LRP2: variants seen among roughly 807,000 people sequenced by gnomAD.
LRP2 encodes LDL receptor related protein 2, also known as low-density lipoprotein receptor-related protein 2.
A neutral mutation model predicts 531.0 loss-of-function variants in LRP2; 172 were observed. The observed-to-expected ratio is 0.32, with a 90% CI of 0.29 to 0.37. The LOEUF is 0.37. Ranked by LOEUF, LRP2 falls within the 10% of genes least tolerant of loss-of-function variation. The probability of loss-of-function intolerance (pLI) is 1.00; values close to 1 mark genes in which losing one functional copy is unlikely to be tolerated. For missense variants in LRP2, 5,167 were observed against 5,868.3 expected, an observed-to-expected ratio of 0.88 and a Z score of 3.90; for synonymous variants, 1,992 against 2,027.6, an observed-to-expected ratio of 0.98 and a Z score of 0.47.
At position 169,168,529 on chromosome 2, in the gene LRP2, T is replaced by G; in HGVS notation, c.11635+10A>C. 6.2e-7 allele frequency: 1 copy of G among 1,614,018 alleles called. No homozygotes were observed. The highest frequency in any genetic ancestry group is 8.5e-7 in the Non-Finnish European group (1 of 1,179,916). On this transcript the variant is annotated intron_variant, in intron 61 of 78. Transcript: ENST00000649046. ...ACCACTCCCATTCACTCCGTTTCTC[T>G]CCCTCTTACAGCACAGGTGAAGTTC...
rs531853599 is a variant in LRP2 at position 169,354,522 on chromosome 2, C to A, written c.79+7799G>T. On this transcript the variant is annotated intron_variant, in intron 1 of 78. Coordinates refer to ENST00000649046, the MANE Select transcript of LRP2 (RefSeq NM_004525.3). ...CAGGCATGACCTGAGGGCTAATGACCAAAAGTGAAACTTCAAATTGTCTAA... is the reference window on the plus strand; with the variant it reads ...CAGGCATGACCTGAGGGCTAATGACAAAAAGTGAAACTTCAAATTGTCTAA... Among the ~76,000 whole-genome samples, 9 of 152,250 alleles carry A rather than the reference C, an allele frequency of 5.9e-5. No homozygotes were observed. In the South Asian group the frequency reaches 1.9e-3, roughly 32 times the overall value.
chr2:169,300,762 T>C (rs1684267582), intron 4 of LRP2, among the ~76,000 whole-genome samples: 1 of 152,008 alleles, frequency 6.6e-6, no homozygotes, highest in Admixed American at 6.6e-5. Context: ...TGGGGTCCTT[T>C]GGAGAGTCGC....
intron 49 of LRP2, among the ~76,000 whole-genome samples, chr2:169,187,555 G>A (rs1170298760): frequency 6.6e-6 from 1 of 152,142 alleles, no homozygotes; most frequent in African/African-American, 2.4e-5. Flanking sequence ...GTTGGGGTGA[G>A]AGAGATATTA....
chr2:169,341,364 A>C (rs774014457), intron 1 of LRP2, among the ~76,000 whole-genome samples: 10 of 152,194 alleles, frequency 6.6e-5, no homozygotes, highest in Non-Finnish European at 1.2e-4. Flanking sequence ...GATCTTTGAC[A>C]CCCTCTAAAG....
At chr2:169,230,732 G>C (rs779362451) in intron 31 of LRP2, among the ~76,000 whole-genome samples, 1 of 152,194 alleles carries the variant, frequency 6.6e-6, no homozygotes, top group Non-Finnish European at 1.5e-5. Flanking sequence ...ACACACTCCA[G>C]AAGAAATCTC....
chr2:169,145,229 G>T (rs553899352), intron 70 of LRP2, among the ~76,000 whole-genome samples: 1 of 152,152 alleles, frequency 6.6e-6, no homozygotes. Context: ...ATAAATTAGC[G>T]CACAGGTAAC....
In LRP2 at chr2:169,338,423, G is replaced by GA. The variant is rs1440106678; in HGVS notation, c.80-17540dup. 2.1e-5 allele frequency among the ~76,000 whole-genome samples: 3 copies of GA among 142,046 alleles called. No homozygotes were observed. In the South Asian group the frequency reaches 6.9e-4, roughly 33 times the overall value. The allele number at this position is 142,046 out of a possible 152,430, so 93.2% of individuals were successfully genotyped here. On this transcript the variant is annotated intron_variant, in intron 1 of 78. Coordinates refer to ENST00000649046, the MANE Select transcript of LRP2 (RefSeq NM_004525.3). ...AAGAAAGAAAGAAAAGAAAAGAAAAGAAAAAAGGAGGAAGACGGAGGGAGG... is the reference window on the plus strand; with the variant it reads ...AAGAAAGAAAGAAAAGAAAAGAAAAGAAAAAAAGGAGGAAGACGGAGGGAGG...
At chr2:169,171,301 T>C (rs67931300) in intron 58 of LRP2, among the ~76,000 whole-genome samples, 10,352 of 152,126 alleles carry the variant, frequency 0.068, 760 homozygotes, top group African/African-American at 0.19. Context: ...ATTAGTCAAT[T>C]AGAAATTGAC....
Position 169,235,989 on chromosome 2 carries a change from C to T in LRP2, c.4771G>A (p.Val1591Ile), listed in dbSNP as rs756644977. ...RASMDGSMRT[V>I]IVQDKIFWPC... ...CAGAAGATCTTGTCCTGGACAATGA[C>T]AGTGCGCATGCTGCCGTCCATGCTG... is the stretch of plus-strand genomic sequence containing the variant. Residue 1591 changes from valine to isoleucine, a missense_variant, in exon 29 of 79, where the codon GTC (valine) becomes ATC (isoleucine). Around this residue, in one of 6 missense-constraint regions of LRP2, gnomAD observed 2,811 missense variants for 3,058.0 expected, o/e 0.92. Transcript: ENST00000649046. 3 of 1,614,202 alleles carry T rather than the reference C, an allele frequency of 1.9e-6. No homozygotes were observed. Among genetic ancestry groups the T allele is most frequent in the Non-Finnish European group, 1.7e-6 (2 of 1,180,036 alleles).
At chr2:169,351,359 G>A (rs191258105) in intron 1 of LRP2, among the ~76,000 whole-genome samples, 5 of 152,214 alleles carry the variant, frequency 3.3e-5, no homozygotes, top group Non-Finnish European at 5.9e-5. Flanking sequence ...CGAAAAAATA[G>A]AGTGATAGTT....
In LRP2 at chr2:169,270,918, T is replaced by G; in HGVS notation, c.2306A>C (p.Lys769Thr). Reference protein sequence around the residue: ...DMSKHMIFKQKIDGTGREILA... With the variant: ...DMSKHMIFKQTIDGTGREILA... The stretch of plus-strand genomic sequence containing the variant: ...ACCTTTCTCACCTGTGCCATCAATC[T>G]TTTGCTTAAAAATCATGTGTTTTGA... The change falls in exon 16 of 79, where the codon AAG (lysine) becomes ACG (threonine). Residue 769 changes from lysine to threonine, a missense_variant. Coordinates refer to ENST00000649046, the MANE Select transcript of LRP2 (RefSeq NM_004525.3). 10 of 1,612,934 alleles carry G rather than the reference T, an allele frequency of 6.2e-6. No homozygotes were observed. The highest frequency in any genetic ancestry group is 8.5e-6 in the Non-Finnish European group (10 of 1,179,532).
Position 169,235,995 on chromosome 2 carries a change from G to T in LRP2, c.4765C>A (p.Arg1589Ser), listed in dbSNP as rs879176581. The T allele has an allele frequency of 6.2e-7, 1 of 1,614,078 alleles. No homozygotes were observed. The highest frequency in any genetic ancestry group is 8.5e-7 in the Non-Finnish European group (1 of 1,180,042). ...ATCTTGTCCTGGACAATGACAGTGCGCATGCTGCCGTCCATGCTGGCTCGC... is the reference window on the plus strand; with the variant it reads ...ATCTTGTCCTGGACAATGACAGTGCTCATGCTGCCGTCCATGCTGGCTCGC... ...IERASMDGSMRTVIVQDKIFW... is the reference protein window; with the variant it reads ...IERASMDGSMSTVIVQDKIFW... The change falls in exon 29 of 79, where the codon CGC becomes AGC. Residue 1589 changes from arginine (R) to serine (S), a missense_variant. By Grantham distance (110) the Arg-to-Ser change is moderately radical (BLOSUM62 -1). This residue lies in a region of LRP2 where 2,811 missense variants were observed against 3,058.0 expected (regional missense o/e 0.92). Coordinates refer to ENST00000649046, the MANE Select transcript of LRP2 (RefSeq NM_004525.3).
intron 14 of LRP2, among the ~76,000 whole-genome samples, chr2:169,274,492 T>G (rs1479509853): frequency 6.6e-6 from 1 of 152,116 alleles, no homozygotes; most frequent in African/African-American, 2.4e-5. Context: ...TCAAAATATT[T>G]CTTTTTTTAA....
intron 3 of LRP2, among the ~76,000 whole-genome samples, 155 bp downstream of exon 3, chr2:169,318,607 A>G (rs1684829678): frequency 6.6e-6 from 1 of 152,202 alleles, no homozygotes; most frequent in Non-Finnish European, 1.5e-5. Context: ...AATATCATCC[A>G]ACCCCTGAAT....
Position 169,156,409 on chromosome 2 carries a change from T to A in LRP2, c.12020-4A>T. 6.2e-7 allele frequency: 1 copy of A among 1,613,360 alleles called. No homozygotes were observed. The highest frequency in any genetic ancestry group is 8.5e-7 in the Non-Finnish European group (1 of 1,179,420). Reference sequence around the variant, plus strand: ...AATTGTTCACATTCATTGATATCTGTAGGCAAAATAAAACCAAATACGCAA... The same window carrying A: ...AATTGTTCACATTCATTGATATCTGAAGGCAAAATAAAACCAAATACGCAA... On this transcript the variant is annotated splice_polypyrimidine_tract_variant and splice_region_variant and intron_variant, in intron 64 of 78. Coordinates refer to ENST00000649046, the MANE Select transcript of LRP2 (RefSeq NM_004525.3).
chr2:169,219,033 G>A (rs560507236), intron 34 of LRP2, among the ~76,000 whole-genome samples: 1 of 152,208 alleles, frequency 6.6e-6, no homozygotes, highest in Non-Finnish European at 1.5e-5. Context: ...ACCCAACAAA[G>A]GTACACAATG....
At position 169,164,041 on chromosome 2, in the gene LRP2, T is replaced by TG. The variant is rs571092099; in HGVS notation, c.11759-1442dup. ...GCCAGTGTGCTTTTGAAAGTGAAGG[T>TG]GGTGCTATTCATAATTCCACTGGGG... On this transcript the variant is annotated intron_variant, in intron 62 of 78. Transcript: ENST00000649046. 4.5e-3 allele frequency among the ~76,000 whole-genome samples: 684 copies of TG among 152,328 alleles called. 4 individuals carry two copies. Among genetic ancestry groups the TG allele is most frequent in the Non-Finnish European group, 6.2e-3 (424 of 68,028 alleles).
chr2:169,351,683 T>C lies in LRP2; in HGVS notation c.79+10638A>G, dbSNP rs183416718. On this transcript the variant is annotated intron_variant, in intron 1 of 78. Coordinates refer to ENST00000649046, the MANE Select transcript of LRP2 (RefSeq NM_004525.3). Reference sequence around the variant, plus strand: ...AGATATAAGGAAGCAAGAGAGGCAATAGACAGACTAGGAAGCAAGTCCTAA... The same window carrying C: ...AGATATAAGGAAGCAAGAGAGGCAACAGACAGACTAGGAAGCAAGTCCTAA... Among the ~76,000 whole-genome samples, 668 of 152,224 alleles carry C rather than the reference T, an allele frequency of 4.4e-3. 4 individuals carry two copies. The highest frequency in any genetic ancestry group is 0.015 in the African/African-American group (609 of 41,538).
Position 169,261,422 on chromosome 2 carries a change from C to G in LRP2, c.2321-2205G>C, listed in dbSNP as rs115093489. Among the ~76,000 whole-genome samples the G allele has an allele frequency of 1.9e-3, 290 of 151,638 alleles. 2 individuals are homozygous for G. The highest frequency in any genetic ancestry group is 3.5e-3 in the Non-Finnish European group (237 of 67,912). ...CCCACTGCAGCCTCAAACACCTGAC[C>G]TCAAGTGATCCTCCCAAGTATCTGG... is the stretch of plus-strand genomic sequence containing the variant. On this transcript the variant is annotated intron_variant, in intron 16 of 78. Transcript: ENST00000649046.
Sources: allele counts gnomAD v4.1 joint callset (sites outside exome capture counted in the v4.1 genomes callset), GRCh38; gene constraint gnomAD v4.1.1; regional missense constraint gnomAD v4.1.1; transcripts MANE v1.5; gene names NCBI Gene and HGNC (gene_info 2026-07-23, HGNC 2026-07-21).